AK5: variants seen among roughly 807,000 people sequenced by gnomAD.
AK5 encodes the protein adenylate kinase isoenzyme 5.
AK5 carries 27 observed loss-of-function variants against 69.5 expected under a neutral mutation model. The observed-to-expected ratio is 0.39, with a 90% CI of 0.29 to 0.54. AK5 has a LOEUF of 0.54. Among genes scored for constraint, AK5 ranks in the 20% least tolerant of loss-of-function variants. The pLI is 0.71. For synonymous variants in AK5, 260 were observed against 244.4 expected, an observed-to-expected ratio of 1.06 and a Z score of -0.60; for missense variants, 531 against 700.4, an observed-to-expected ratio of 0.76 and a Z score of 2.73.
At chr1:77,299,258 A>T (rs1557474917) in intron 5 of AK5, among the ~76,000 whole-genome samples, 1 of 151,592 alleles carries the variant, frequency 6.6e-6, no homozygotes. Context: ...CTCATTGGCC[A>T]TGTGTATTTC....
intron 8 of AK5, among the ~76,000 whole-genome samples, chr1:77,478,166 A>G (rs970413270): frequency 6.6e-6 from 1 of 152,198 alleles, no homozygotes; most frequent in Admixed American, 6.5e-5. Flanking sequence ...TTCCTCATCC[A>G]TGAGGTTGCA....
intron 8 of AK5, among the ~76,000 whole-genome samples, chr1:77,465,606 A>G (rs1448825240): frequency 1.3e-5 from 2 of 152,144 alleles, no homozygotes; most frequent in South Asian, 2.1e-4. Flanking sequence ...TCCCCTCAGA[A>G]TGCTCTTTGG....
chr1:77,531,094 T>C (rs1461822423), intron 12 of AK5, among the ~76,000 whole-genome samples: 2 of 152,054 alleles, frequency 1.3e-5, no homozygotes, highest in Non-Finnish European at 2.9e-5. Context: ...AGTGTTACCA[T>C]TCTTAAAGGC....
chr1:77,317,644 A>G (rs967125865), intron 5 of AK5, among the ~76,000 whole-genome samples: 3 of 152,098 alleles, frequency 2.0e-5, no homozygotes, highest in Non-Finnish European at 4.4e-5. Flanking sequence ...CCCTGTCCTC[A>G]TTCTTTCCAC....
chr1:77,355,007 T>C (rs976991472), intron 6 of AK5, among the ~76,000 whole-genome samples: 2 of 152,226 alleles, frequency 1.3e-5, no homozygotes, highest in Non-Finnish European at 2.9e-5. Context: ...CACGATCACT[T>C]GATATATACT....
intron 5 of AK5, among the ~76,000 whole-genome samples, chr1:77,312,099 A>G (rs191622761): frequency 2.0e-5 from 3 of 152,284 alleles, no homozygotes; most frequent in Admixed American, 2.0e-4. Context: ...AGCAGAAGTA[A>G]TATTTAGGAA....
chr1:77,295,851 A>G (rs1433364185), intron 3 of AK5, among the ~76,000 whole-genome samples: 1 of 152,208 alleles, frequency 6.6e-6, no homozygotes. Flanking sequence ...AAATATTTCA[A>G]TAAACTAAGA....
intron 3 of AK5, among the ~76,000 whole-genome samples, chr1:77,296,581 T>C (rs769623161): frequency 3.3e-5 from 5 of 152,132 alleles, no homozygotes; most frequent in Non-Finnish European, 7.4e-5. Flanking sequence ...TCTCTTAGTT[T>C]GGTGGTTGTG....
At chr1:77,321,615 G>A (rs527518875) in intron 5 of AK5, among the ~76,000 whole-genome samples, 1 of 152,214 alleles carries the variant, frequency 6.6e-6, no homozygotes, top group East Asian at 1.9e-4. Flanking sequence ...CCTCTAATAG[G>A]GAGCATCTAC....
At chr1:77,549,964 T>A (rs11162363) in intron 13 of AK5, among the ~76,000 whole-genome samples, 100,467 of 151,672 alleles carry the variant, frequency 0.66, 34,404 homozygotes, top group Non-Finnish European at 0.76. Flanking sequence ...TTATTTATTT[T>A]TTTTTTTTAA....
Position 77,318,268 on chromosome 1 carries a change from C to T in AK5, c.699+20321C>T, listed in dbSNP as rs1438997323. On this transcript the variant is annotated intron_variant, in intron 5 of 13. Coordinates refer to ENST00000354567, the MANE Select transcript of AK5 (RefSeq NM_174858.3). ...CTGGAGCAGGAGGAAGAAAGAGAGG[C>T]GGGGAGATGCTACACACTTGTAAAC... Among the ~76,000 whole-genome samples the T allele has an allele frequency of 5.3e-5, 8 of 152,046 alleles. No homozygotes were observed. In the South Asian group the frequency reaches 8.3e-4, roughly 16 times the overall value.
At chr1:77,554,321 A>G (rs1251591542) in intron 13 of AK5, among the ~76,000 whole-genome samples, 1 of 152,204 alleles carries the variant, frequency 6.6e-6, no homozygotes, top group African/African-American at 2.4e-5. Flanking sequence ...ACACCAAACT[A>G]AACTGAACAA....
chr1:77,313,899 C>T (rs562364989), intron 5 of AK5: 29 of 529,984 alleles, frequency 5.5e-5, no homozygotes, highest in Admixed American at 1.2e-4. Context: ...CCTAAAGACA[C>T]AGCCTGTAAG....
chr1:77,343,099 C>T (rs1661739058), intron 6 of AK5, among the ~76,000 whole-genome samples: 1 of 152,102 alleles, frequency 6.6e-6, no homozygotes, highest in African/African-American at 2.4e-5. Flanking sequence ...AGTGTGATGA[C>T]TGTTGAGTTA....
At chr1:77,530,121 T>C (rs3767033) in intron 12 of AK5, among the ~76,000 whole-genome samples, 97,321 of 152,034 alleles carry the variant, frequency 0.64, 33,080 homozygotes, top group Non-Finnish European at 0.76. Flanking sequence ...TACACAAAGT[T>C]TGAGTCTGGC....
intron 1 of AK5, chr1:77,282,782 T>C: frequency 1.0e-6 from 1 of 1,000,406 alleles, no homozygotes; most frequent in Non-Finnish European, 1.2e-6. Context: ...AGAGCCCTAG[T>C]CACTCTGCTG....
intron 8 of AK5, among the ~76,000 whole-genome samples, chr1:77,452,181 T>G (rs1050530622): frequency 3.9e-5 from 6 of 152,242 alleles, no homozygotes; most frequent in Non-Finnish European, 7.3e-5. Context: ...TATAATGCAA[T>G]TATATGTATC....
chr1:77,523,158 T>A (rs1166805735), intron 12 of AK5, among the ~76,000 whole-genome samples: 6 of 152,172 alleles, frequency 3.9e-5, no homozygotes, highest in Admixed American at 3.9e-4. Context: ...ATTTCCTTAG[T>A]GTCAAAATAC....
intron 8 of AK5, among the ~76,000 whole-genome samples, chr1:77,446,092 G>T (rs1652735017): frequency 6.6e-6 from 1 of 152,126 alleles, no homozygotes; most frequent in African/African-American, 2.4e-5. Context: ...TATCCATTTT[G>T]AGTTGAGTTT....
Sources: allele counts gnomAD v4.1 joint callset (sites outside exome capture counted in the v4.1 genomes callset), GRCh38; gene constraint gnomAD v4.1.1; transcripts MANE v1.5; gene names NCBI Gene and HGNC (gene_info 2026-07-23, HGNC 2026-07-21).